The following ELOVL6 variants were observed in gnomAD, a reference collection of about 807,000 sequenced individuals.
ELOVL6 encodes very long chain fatty acid elongase 6.
Under a neutral mutation model 31.7 loss-of-function variants are expected in ELOVL6, and 8 were observed. The ratio of observed to expected loss-of-function variants is 0.25; its 90% CI spans 0.15 to 0.45. The LOEUF (loss-of-function observed/expected upper bound fraction) is 0.45, where lower values mean the gene tolerates loss of function less well. Ranked by LOEUF, ELOVL6 falls within the 20% of genes least tolerant of loss-of-function variation. The pLI is 1.00. For missense variants in ELOVL6, 126 were observed against 326.4 expected (o/e 0.39, Z 4.73); for synonymous variants, 101 against 117.7 (o/e 0.86, Z 0.92).
intron 1 of ELOVL6, among the ~76,000 whole-genome samples, chr4:110,112,394 T>C (rs1315962): frequency 0.51 from 77,794 of 152,028 alleles, 19,981 homozygotes; most frequent in East Asian, 0.57. Context: ...TCAGTAGAGT[T>C]GATGTTTGCA....
intron 3 of ELOVL6, among the ~76,000 whole-genome samples, chr4:110,052,212 A>G (rs72898515): frequency 0.072 from 10,937 of 152,286 alleles, 1,264 homozygotes; most frequent in African/African-American, 0.24. Context: ...TTATCAATCA[A>G]AGGAAACAGA....
chr4:110,166,431 G>A (rs971838612), intron 1 of ELOVL6, among the ~76,000 whole-genome samples: 2 of 152,098 alleles, frequency 1.3e-5, no homozygotes, highest in Non-Finnish European at 2.9e-5. Context: ...GCCAACAACC[G>A]TGAAACCCCA....
chr4:110,109,447 TTC>T (rs1756970768), intron 1 of ELOVL6, among the ~76,000 whole-genome samples: 1 of 152,156 alleles, frequency 6.6e-6, no homozygotes, highest in Non-Finnish European at 1.5e-5. Flanking sequence ...ACCCTTCTAT[TTC>T]TGTCATCAAG....
Position 110,198,456 on chromosome 4 carries a change from G to A in ELOVL6, c.-121C>T. On this transcript the variant is annotated 5_prime_UTR_variant, in exon 1 of 4. Transcript: ENST00000302274. ...ACCCACCCCCCTAGGTCTTCCCCAC[G>A]CCGCTCGGTCTCCAGCGGTCGTCTC... 1 of 570,400 alleles carries A rather than the reference G, an allele frequency of 1.8e-6. No homozygotes were observed. The highest frequency in any genetic ancestry group is 3.0e-6 in the Non-Finnish European group (1 of 335,172). The allele number at this position is 570,400 out of a possible 1,614,324, so 35.3% of individuals were successfully genotyped here. A position where few individuals can be genotyped will look rare whatever the true frequency, so the allele number is the denominator to read the frequency against.
chr4:110,109,060 C>T lies in ELOVL6; in HGVS notation c.90-3432G>A, dbSNP rs78566493. Among the ~76,000 whole-genome samples the T allele has an allele frequency of 9.7e-3, 1,481 of 152,206 alleles. 21 individuals carry two copies. Among genetic ancestry groups the T allele is most frequent in the African/African-American group, 0.032 (1,334 of 41,516 alleles). On this transcript the variant is annotated intron_variant, in intron 1 of 3. Coordinates refer to ENST00000302274, the MANE Select transcript of ELOVL6 (RefSeq NM_024090.3). ...TTGCCTTTCCTTTCTGGCATCTCTC[C>T]GGTAAAGTTCAATTATATTCAAGAT... is the stretch of plus-strand genomic sequence containing the variant.
intron 2 of ELOVL6, among the ~76,000 whole-genome samples, chr4:110,092,938 T>C (rs374290844): frequency 5.9e-5 from 9 of 152,172 alleles, no homozygotes; most frequent in African/African-American, 2.2e-4. Context: ...CCTTAACAAA[T>C]GCCTGCAGGT....
intron 2 of ELOVL6, among the ~76,000 whole-genome samples, chr4:110,087,348 T>G (rs1188160638): frequency 6.6e-6 from 1 of 152,200 alleles, no homozygotes; most frequent in Non-Finnish European, 1.5e-5. Context: ...GCTTCTCTAC[T>G]TTGCATTCGA....
At chr4:110,171,920 G>C (rs376565674) in intron 1 of ELOVL6, among the ~76,000 whole-genome samples, 1 of 151,844 alleles carries the variant, frequency 6.6e-6, no homozygotes, top group East Asian at 1.9e-4. Flanking sequence ...GAATTTCTGG[G>C]CTCAAGCAAT....
intron 1 of ELOVL6, among the ~76,000 whole-genome samples, chr4:110,134,252 G>C (rs896799714): frequency 1.3e-4 from 20 of 152,138 alleles, no homozygotes; most frequent in African/African-American, 4.3e-4. Context: ...GAAGTGACGA[G>C]AGAACATATT....
chr4:110,080,522 C>T (rs1755806808), intron 2 of ELOVL6, among the ~76,000 whole-genome samples: 1 of 152,092 alleles, frequency 6.6e-6, no homozygotes, highest in South Asian at 2.1e-4. Context: ...GCAGAAAAGG[C>T]CTTTGACAAA....
chr4:110,072,363 G>A (rs151113142), intron 2 of ELOVL6, among the ~76,000 whole-genome samples: 5 of 152,092 alleles, frequency 3.3e-5, no homozygotes, highest in Admixed American at 6.6e-5. Flanking sequence ...GTAATCCCAG[G>A]TACTTGGGAG....
intron 2 of ELOVL6, among the ~76,000 whole-genome samples, chr4:110,082,049 G>A (rs374296194): frequency 0.031 from 3,975 of 127,160 alleles, 86 homozygotes; most frequent in African/African-American, 0.045. Context: ...ATGAGATACC[G>A]TCTCACACCA....
intron 2 of ELOVL6, among the ~76,000 whole-genome samples, chr4:110,091,624 C>T (rs1016704887): frequency 6.6e-6 from 1 of 152,138 alleles, no homozygotes; most frequent in African/African-American, 2.4e-5. Context: ...AATTCATAAG[C>T]AATTCTATTA....
At chr4:110,155,796 C>A (rs1261298876) in intron 1 of ELOVL6, among the ~76,000 whole-genome samples, 3 of 152,176 alleles carry the variant, frequency 2.0e-5, no homozygotes, top group Non-Finnish European at 4.4e-5. Flanking sequence ...CATCACATCT[C>A]CTGGAGAGAT....
In ELOVL6 at chr4:110,084,399, A is replaced by ATCGCATATATCATATG. The variant is rs1231165062; in HGVS notation, c.221+21097_221+21098insCATATGATATATGCGA. Among the ~76,000 whole-genome samples the ATCGCATATATCATATG allele has an allele frequency of 2.2e-3, 215 of 96,422 alleles. 19 individuals are homozygous for ATCGCATATATCATATG. The highest frequency in any genetic ancestry group is 7.3e-3 in the African/African-American group (185 of 25,434). 63.3% of individuals were successfully genotyped at this position (96,422 alleles called of 152,430 possible). Reference sequence around the variant, plus strand: ...ATGATATATATCGCATATATGATATATGATATATGACATACATGATATATC... The same window carrying ATCGCATATATCATATG: ...ATGATATATATCGCATATATGATATATCGCATATATCATATGTGATATATGACATACATGATATATC... On this transcript the variant is annotated intron_variant, in intron 2 of 3. Transcript: ENST00000302274.
chr4:110,121,688 G>T (rs1757362257), intron 1 of ELOVL6, among the ~76,000 whole-genome samples: 1 of 152,002 alleles, frequency 6.6e-6, no homozygotes, highest in South Asian at 2.1e-4. Context: ...GACAGATCGA[G>T]ACTCTGTCTC....
intron 1 of ELOVL6, among the ~76,000 whole-genome samples, chr4:110,112,085 C>T (rs1355355115): frequency 1.3e-5 from 2 of 152,270 alleles, no homozygotes; most frequent in Admixed American, 1.3e-4. Context: ...ATAACTTGTG[C>T]CCCCAGAAAA....
chr4:110,169,571 T>C (rs756297386), intron 1 of ELOVL6, among the ~76,000 whole-genome samples: 1 of 151,904 alleles, frequency 6.6e-6, no homozygotes, highest in Non-Finnish European at 1.5e-5. Context: ...AAATAAGTAT[T>C]ATTCAGAATT....
At chr4:110,110,347 A>C (rs1412397679) in intron 1 of ELOVL6, among the ~76,000 whole-genome samples, 2 of 151,924 alleles carry the variant, frequency 1.3e-5, no homozygotes, top group Non-Finnish European at 2.9e-5. Context: ...GGATTCTGCA[A>C]GACTTCATAT....
Sources: gnomAD v4.1 joint callset for allele counts (sites outside exome capture counted in the v4.1 genomes callset) on GRCh38, gnomAD v4.1.1 for gene constraint, MANE v1.5 for transcripts, NCBI Gene and HGNC (gene_info 2026-07-23, HGNC 2026-07-21) for gene names.